Variants in PRKACB observed in about 807,000 individuals in gnomAD.
PRKACB encodes cAMP-dependent protein kinase catalytic subunit beta.
Under a neutral mutation model 51.4 loss-of-function variants are expected in PRKACB, and 16 were observed. The observed-to-expected ratio is 0.31, with a 90% CI of 0.21 to 0.47. The LOEUF (loss-of-function observed/expected upper bound fraction) is 0.47. PRKACB is among the 20% of genes least tolerant of loss of function. The pLI is 1.00. For missense variants in PRKACB, 309 were observed against 464.5 expected (o/e 0.67, Z 3.08); for synonymous variants, 147 against 154.4 (o/e 0.95, Z 0.35).
At chr1:84,112,570 C>G (rs1189935159) in intron 1 of PRKACB, among the ~76,000 whole-genome samples, 1 of 152,078 alleles carries the variant, frequency 6.6e-6, no homozygotes, top group Non-Finnish European at 1.5e-5. Context: ...TCATTTGGTT[C>G]CTGGCTAAAT....
At chr1:84,203,792 G>T (rs1209557619) in intron 8 of PRKACB, among the ~76,000 whole-genome samples, 7 of 151,888 alleles carry the variant, frequency 4.6e-5, no homozygotes, top group Admixed American at 4.6e-4. Context: ...ATAGAGTTGA[G>T]GTTTTTTTGT....
chr1:84,167,668 A>G (rs1657968744), intron 1 of PRKACB, among the ~76,000 whole-genome samples: 2 of 151,728 alleles, frequency 1.3e-5, no homozygotes, highest in South Asian at 2.1e-4. Flanking sequence ...CAAACACAGC[A>G]AGGTACCCAA....
chr1:84,210,971 C>G (rs1672039759), intron 8 of PRKACB, among the ~76,000 whole-genome samples: 1 of 151,984 alleles, frequency 6.6e-6, no homozygotes, highest in Non-Finnish European at 1.5e-5. Context: ...TGATGGATTC[C>G]CATTATTAAC....
intron 4 of PRKACB, among the ~76,000 whole-genome samples, chr1:84,184,607 T>G (rs541976153): frequency 1.3e-5 from 2 of 152,036 alleles, no homozygotes; most frequent in Non-Finnish European, 2.9e-5. Context: ...TTGGTCACTT[T>G]TGAGCTCTTT....
intron 1 of PRKACB, among the ~76,000 whole-genome samples, chr1:84,152,376 C>A (rs1430218679): frequency 6.6e-6 from 1 of 152,166 alleles, no homozygotes; most frequent in South Asian, 2.1e-4. Context: ...GATGTATTAG[C>A]CCCTAGCGAG....
At chr1:84,183,156 C>T (rs966303393) in intron 3 of PRKACB, among the ~76,000 whole-genome samples, 3 of 151,882 alleles carry the variant, frequency 2.0e-5, no homozygotes, top group Non-Finnish European at 4.4e-5. Flanking sequence ...TCACATTGAC[C>T]ATTAGACTCC....
chr1:84,221,384 TA>T (rs900718745), intron 9 of PRKACB, among the ~76,000 whole-genome samples: 32 of 151,768 alleles, frequency 2.1e-4, no homozygotes, highest in Middle Eastern at 3.4e-3. Flanking sequence ...GTTATTTTTT[TA>T]AAAAAAAAAC....
intron 1 of PRKACB, among the ~76,000 whole-genome samples, chr1:84,178,405 TTCA>T (rs1231225020): frequency 8.5e-5 from 13 of 152,140 alleles, no homozygotes; most frequent in Admixed American, 6.6e-4. Flanking sequence ...TTTTAACTGG[TTCA>T]TCATTTAATT....
At chr1:84,199,890 G>C (rs1256375711) in intron 7 of PRKACB, among the ~76,000 whole-genome samples, 1 of 151,986 alleles carries the variant, frequency 6.6e-6, no homozygotes, top group Non-Finnish European at 1.5e-5. Flanking sequence ...CTGTCGCCCA[G>C]GCTGCAGTGC....
At chr1:84,208,368 A>G (rs192742172) in intron 8 of PRKACB, among the ~76,000 whole-genome samples, 188 of 152,348 alleles carry the variant, frequency 1.2e-3, no homozygotes, top group Middle Eastern at 3.4e-3. Context: ...AGTTCGTTTA[A>G]CATATTACAT....
rs144805356 is a variant in PRKACB, at chr1:84,166,845, A to T, written c.188-12332A>T. On this transcript the variant is annotated intron_variant, in intron 1 of 9. Coordinates refer to ENST00000370685, the MANE Select transcript of PRKACB (RefSeq NM_182948.4). ...GAATCTATCTTTTGGCCTTCTTTTG[A>T]TGCTACATTTTCTCCAAAAAATCTC... 4.6e-5 allele frequency among the ~76,000 whole-genome samples: 7 copies of T among 151,628 alleles called. No individual in the cohort carries two copies. The East Asian group carries it at 1.4e-3, about 30-fold the overall frequency.
chr1:84,189,012 A>G (rs1009119575), intron 5 of PRKACB, among the ~76,000 whole-genome samples: 1 of 152,104 alleles, frequency 6.6e-6, no homozygotes, highest in Non-Finnish European at 1.5e-5. Context: ...CTGAGTAATG[A>G]AAAACCTGAT....
intron 9 of PRKACB, among the ~76,000 whole-genome samples, chr1:84,225,625 G>T (rs770870652): frequency 5.9e-5 from 9 of 152,038 alleles, no homozygotes; most frequent in Non-Finnish European, 1.2e-4. Context: ...CCTGGGGGTG[G>T]GTGTGGGACC....
Position 84,238,162 on chromosome 1 carries a change from A to G in PRKACB, c.*2857A>G, listed in dbSNP as rs905431655. 2 of 152,208 alleles carry G rather than the reference A, an allele frequency of 1.3e-5. No individual in the cohort carries two copies. Among genetic ancestry groups the G allele is most frequent in the Non-Finnish European group, 2.9e-5 (2 of 67,966 alleles). The allele number at this position is 152,208 out of a possible 1,614,324, so 9.4% of individuals were successfully genotyped here. On this transcript the variant is annotated 3_prime_UTR_variant, in exon 10 of 10. Transcript: ENST00000370685. ...AAACTGTCAACCTACCAAAAACGAT[A>G]TTGTGGCTTATGGGTATTGCTGTCT... is the stretch of plus-strand genomic sequence containing the variant.
chr1:84,123,706 G>T (rs965177595), intron 1 of PRKACB, among the ~76,000 whole-genome samples: 1 of 152,050 alleles, frequency 6.6e-6, no homozygotes, highest in Non-Finnish European at 1.5e-5. Flanking sequence ...TGGAAAATGG[G>T]ATAATAATAT....
chr1:84,107,491 C>T (rs1046204342), intron 1 of PRKACB, among the ~76,000 whole-genome samples: 1 of 151,994 alleles, frequency 6.6e-6, no homozygotes, highest in Non-Finnish European at 1.5e-5. Flanking sequence ...CAGATGGGAC[C>T]TGTTTAAAGA....
intron 1 of PRKACB, among the ~76,000 whole-genome samples, chr1:84,092,131 C>G (rs978944876): frequency 6.6e-6 from 1 of 152,092 alleles, no homozygotes; most frequent in African/African-American, 2.4e-5. Context: ...TATTCAAATC[C>G]TAATTTATAG....
chr1:84,180,833 A>G (rs80093848), intron 2 of PRKACB, among the ~76,000 whole-genome samples: 2,230 of 152,104 alleles, frequency 0.015, 60 homozygotes, highest in African/African-American at 0.049. Context: ...ACATATTTTT[A>G]TAATACAAAG....
chr1:84,210,028 C>G (rs549179873), intron 8 of PRKACB, among the ~76,000 whole-genome samples: 17 of 152,278 alleles, frequency 1.1e-4, no homozygotes, highest in Non-Finnish European at 2.1e-4. Flanking sequence ...TGTACTCTAT[C>G]TTTGGTATCT....
Sources: allele counts gnomAD v4.1 joint callset (sites outside exome capture counted in the v4.1 genomes callset), GRCh38; gene constraint gnomAD v4.1.1; transcripts MANE v1.5; gene names NCBI Gene and HGNC (gene_info 2026-07-23, HGNC 2026-07-21).